The following ITFG1 variants were observed in gnomAD, a reference collection of about 807,000 sequenced individuals.
ITFG1 encodes the protein T-cell immunomodulatory protein.
ITFG1 carries 34 observed loss-of-function variants against 81.8 expected under a neutral mutation model. That is an observed-to-expected ratio of 0.42 (90% CI 0.32 to 0.55). The LOEUF (loss-of-function observed/expected upper bound fraction) is 0.55. Ranked by LOEUF, ITFG1 falls within the 20% of genes least tolerant of loss-of-function variation. The probability of loss-of-function intolerance (pLI) is 0.17; values close to 1 mark genes in which losing one functional copy is unlikely to be tolerated. For synonymous variants in ITFG1, 285 were observed against 270.6 expected, an observed-to-expected ratio of 1.05 and a Z score of -0.52; for missense variants, 672 against 755.4, an observed-to-expected ratio of 0.89 and a Z score of 1.29.
rs1966198844 is a variant in ITFG1, at chr16:47,260,654, T to C, written c.1112A>G (p.Asn371Ser). Residue 371 changes from asparagine (N) to serine (S), a missense_variant, in exon 11 of 18, where the codon AAT becomes AGT. This residue lies in a region of ITFG1 where 560 missense variants were observed against 625.7 expected (regional missense o/e 0.90). Transcript: ENST00000320640. ...TCGACGCGCCTCTTCACAGCTTGCA[T>C]TATTACAAGGGACGTTCTCCAGTAA... ...AFLLENVPCN[N>S]ASCEEARRMF... The C allele has an allele frequency of 6.2e-7, 1 of 1,614,184 alleles. No individual in the cohort carries two copies. Among genetic ancestry groups the C allele is most frequent in the South Asian group, 1.1e-5 (1 of 91,078 alleles).
intron 5 of ITFG1, among the ~76,000 whole-genome samples, chr16:47,439,818 A>ACC (rs1969221466): frequency 1.3e-5 from 2 of 152,162 alleles, no homozygotes; most frequent in African/African-American, 2.4e-5. Context: ...ATGACAGGAT[A>ACC]AAATTCACAC....
intron 8 of ITFG1, among the ~76,000 whole-genome samples, chr16:47,326,480 T>G (rs13335281): frequency 2.0e-5 from 3 of 152,036 alleles, no homozygotes; most frequent in African/African-American, 7.2e-5. Flanking sequence ...CCAGGGCAAT[T>G]AGGCAGGAGA....
At chr16:47,208,491 T>A (rs1965527569) in intron 14 of ITFG1, among the ~76,000 whole-genome samples, 1 of 152,236 alleles carries the variant, frequency 6.6e-6, no homozygotes, top group African/African-American at 2.4e-5. Flanking sequence ...TTCTACAACC[T>A]GGAGCTGTAC....
At position 47,162,080 on chromosome 16, in the gene ITFG1, C is replaced by T. The variant is rs114372521; in HGVS notation, c.1579-248G>A. ...ATTCATTCAACAAATATTTATTAGA[C>T]ACTTACGTAGCAGGCACTGTTCAAA... On this transcript the variant is annotated intron_variant, in intron 15 of 17. Transcript: ENST00000320640. 1.5e-3 allele frequency among the ~76,000 whole-genome samples: 228 copies of T among 152,160 alleles called. 2 individuals are homozygous for T. The highest frequency in any genetic ancestry group is 5.3e-3 in the African/African-American group (219 of 41,522).
intron 6 of ITFG1, among the ~76,000 whole-genome samples, chr16:47,384,122 C>G (rs1251803959): frequency 6.6e-6 from 1 of 152,144 alleles, no homozygotes; most frequent in African/African-American, 2.4e-5. Context: ...TCAAATTCAA[C>G]TTCAAAGTGA....
At chr16:47,316,708 T>A (rs1332214977) in intron 8 of ITFG1, among the ~76,000 whole-genome samples, 1 of 152,226 alleles carries the variant, frequency 6.6e-6, no homozygotes, top group Non-Finnish European at 1.5e-5. Context: ...AATTTGCATA[T>A]CTTTTAAATC....
In ITFG1 at chr16:47,435,478, CAA is replaced by C. The variant is rs200106573; in HGVS notation, c.561-6582_561-6581del. Among the ~76,000 whole-genome samples the C allele has an allele frequency of 6.0e-4, 91 of 152,244 alleles. 1 individual carries two copies. The East Asian group carries it at 0.011, about 18-fold the overall frequency. ...TCCCGCACAAGAAACAAAATTATAT[CAA>C]AGTTTTCTAATTTGTGGGCATCATC... On this transcript the variant is annotated intron_variant, in intron 5 of 17. Coordinates refer to ENST00000320640, the MANE Select transcript of ITFG1 (RefSeq NM_030790.5).
chr16:47,355,815 T>C (rs988971028), intron 8 of ITFG1, among the ~76,000 whole-genome samples: 3 of 152,146 alleles, frequency 2.0e-5, no homozygotes, highest in South Asian at 4.1e-4. Flanking sequence ...TCTAGAATTA[T>C]AGATATACAT....
chr16:47,346,588 A>G (rs972848526), intron 8 of ITFG1, among the ~76,000 whole-genome samples: 1 of 152,214 alleles, frequency 6.6e-6, no homozygotes, highest in African/African-American at 2.4e-5. Flanking sequence ...AGGCATTATA[A>G]CTGATAGTAC....
intron 13 of ITFG1, among the ~76,000 whole-genome samples, chr16:47,222,615 A>G (rs1473507198): frequency 6.6e-6 from 1 of 151,904 alleles, no homozygotes; most frequent in Non-Finnish European, 1.5e-5. Flanking sequence ...GGGTTTCACC[A>G]TGTTAGCCAG....
chr16:47,304,374 T>A (rs1567452628), intron 10 of ITFG1, among the ~76,000 whole-genome samples: 2 of 152,178 alleles, frequency 1.3e-5, no homozygotes, highest in Non-Finnish European at 2.9e-5. Context: ...ACAGGTCAAG[T>A]AAGTGACAAA....
intron 6 of ITFG1, among the ~76,000 whole-genome samples, chr16:47,385,904 T>G (rs1335934089): frequency 2.6e-5 from 4 of 152,220 alleles, no homozygotes; most frequent in African/African-American, 9.6e-5. Context: ...TTTTGTAAAT[T>G]GATCATATTT....
At chr16:47,254,098 GCATTATGAGGAGGTGAGGTCTC>G (rs1403044783) in intron 12 of ITFG1, among the ~76,000 whole-genome samples, 1 of 151,952 alleles carries the variant, frequency 6.6e-6, no homozygotes, top group African/African-American at 2.4e-5. Flanking sequence ...AGTCTGTGTT[GCATTATGAGGAGGTGAGGTCTC>G]CTTTAGTACA....
chr16:47,369,429 T>C (rs1362578232), intron 7 of ITFG1, among the ~76,000 whole-genome samples: 1 of 152,186 alleles, frequency 6.6e-6, no homozygotes, highest in East Asian at 1.9e-4. Context: ...AGAGGTCAAA[T>C]GGAATGAAAG....
At chr16:47,283,159 G>A (rs1360861954) in intron 10 of ITFG1, among the ~76,000 whole-genome samples, 1 of 151,984 alleles carries the variant, frequency 6.6e-6, no homozygotes, top group Non-Finnish European at 1.5e-5. Flanking sequence ...GTCTCCCTAG[G>A]CCAATGTCTA....
At chr16:47,163,954 T>TACACAC (rs796283043) in intron 14 of ITFG1, among the ~76,000 whole-genome samples, 3 of 96,778 alleles carry the variant, frequency 3.1e-5, no homozygotes, top group Non-Finnish European at 4.1e-5. Context: ...CACACACACA[T>TACACAC]ACACACACAC....
chr16:47,319,103 C>T (rs1290910867), intron 8 of ITFG1, among the ~76,000 whole-genome samples: 2 of 152,164 alleles, frequency 1.3e-5, no homozygotes, highest in Non-Finnish European at 2.9e-5. Flanking sequence ...AAATGCATGA[C>T]TTTGTGAAAT....
chr16:47,246,319 A>G (rs995059614), intron 12 of ITFG1, among the ~76,000 whole-genome samples: 5 of 152,188 alleles, frequency 3.3e-5, no homozygotes, highest in Non-Finnish European at 4.4e-5. Context: ...ATTTTATACA[A>G]TAAAGTCAAA....
intron 8 of ITFG1, among the ~76,000 whole-genome samples, chr16:47,334,476 T>C (rs1967677217): frequency 1.3e-5 from 2 of 152,052 alleles, no homozygotes; most frequent in Admixed American, 1.3e-4. Context: ...AAACAAACAC[T>C]TAAATATAGG....
Sources: gnomAD v4.1 joint callset for allele counts (sites outside exome capture counted in the v4.1 genomes callset) on GRCh38, gnomAD v4.1.1 for gene constraint, gnomAD v4.1.1 regional missense constraint, MANE v1.5 for transcripts, NCBI Gene and HGNC (gene_info 2026-07-23, HGNC 2026-07-21) for gene names.